Variants in ELF2 observed in about 807,000 individuals in gnomAD.
ELF2 encodes E74 like ETS transcription factor 2.
In ELF2, 11 loss-of-function variants were observed where a neutral mutation model predicts 54.8. The ratio of observed to expected loss-of-function variants is 0.20; its 90% CI spans 0.13 to 0.33. The LOEUF (loss-of-function observed/expected upper bound fraction) is 0.33. ELF2 is among the 10% of genes least tolerant of loss of function. The pLI, the probability that ELF2 is intolerant of heterozygous loss-of-function variation, is 1.00. For missense variants in ELF2, 513 were observed against 703.0 expected (o/e 0.73, Z 3.06); for synonymous variants, 203 against 245.1 (o/e 0.83, Z 1.61).
chr4:139,170,939 T>C (rs930941991), intron 1 of ELF2, among the ~76,000 whole-genome samples: 1 of 151,608 alleles, frequency 6.6e-6, no homozygotes, highest in African/African-American at 2.4e-5. Flanking sequence ...AGAGACAGGG[T>C]TTTACCATGC....
At chr4:139,160,408 C>A (rs1741013648) in intron 1 of ELF2, among the ~76,000 whole-genome samples, 1 of 152,170 alleles carries the variant, frequency 6.6e-6, no homozygotes, top group African/African-American at 2.4e-5. Context: ...GAAACTATTT[C>A]ATGGAGACCA....
At chr4:139,110,394 A>T (rs1357719163) in intron 4 of ELF2, among the ~76,000 whole-genome samples, 1 of 152,206 alleles carries the variant, frequency 6.6e-6, no homozygotes, top group Non-Finnish European at 1.5e-5. Flanking sequence ...CCATGGAATA[A>T]AACTAACTAA....
chr4:139,114,638 C>CT (rs1320257893), intron 4 of ELF2, among the ~76,000 whole-genome samples: 2 of 56,144 alleles, frequency 3.6e-5, no homozygotes, highest in African/African-American at 1.8e-4. Flanking sequence ...TTTTTTTTTT[C>CT]TTTCTTTTTT....
At chr4:139,114,561 T>TCCAGTCACACACACACACACACA (rs70940492) in intron 4 of ELF2, among the ~76,000 whole-genome samples, 12 of 108,646 alleles carry the variant, frequency 1.1e-4, no homozygotes, top group South Asian at 3.2e-4. Context: ...GACTTCAGTC[T>TCCAGTCACACACACACACACACA]CACACACACA....
chr4:139,172,617 G>A (rs1187005892), intron 1 of ELF2, among the ~76,000 whole-genome samples: 1 of 152,104 alleles, frequency 6.6e-6, no homozygotes, highest in East Asian at 1.9e-4. Flanking sequence ...CTTATTTTAA[G>A]TGAAAAAGTG....
At chr4:139,070,097 C>G (rs567098954) in intron 6 of ELF2, among the ~76,000 whole-genome samples, 1 of 152,108 alleles carries the variant, frequency 6.6e-6, no homozygotes, top group Admixed American at 6.5e-5. Flanking sequence ...CCTGCCTCAG[C>G]CTCCCAAAGT....
At position 139,115,049 on chromosome 4, in the gene ELF2, G is replaced by A. The variant is rs528381018; in HGVS notation, c.238+10115C>T. 2.9e-5 allele frequency: 46 copies of A among 1,613,892 alleles called. No individual in the cohort carries two copies. In the East Asian group the frequency reaches 3.6e-4, roughly 13 times the overall value. ...AGCAGCTCCTTGACCGTGGCAGCCC[G>A]GGCATCGTCACTCTCCATGTCCAGG... On this transcript the variant is annotated intron_variant, in intron 4 of 9. Transcript: ENST00000686138.
At chr4:139,069,199 T>C (rs1729161753) in intron 6 of ELF2, among the ~76,000 whole-genome samples, 1 of 152,132 alleles carries the variant, frequency 6.6e-6, no homozygotes, top group Non-Finnish European at 1.5e-5. Flanking sequence ...TTATTACTGA[T>C]TTGGTGACTG....
At chr4:139,127,622 G>A (rs957711496) in intron 3 of ELF2, among the ~76,000 whole-genome samples, 3 of 152,024 alleles carry the variant, frequency 2.0e-5, no homozygotes, top group East Asian at 1.9e-4. Context: ...GCGCCCAGCC[G>A]GGTTTTAATA....
intron 1 of ELF2, among the ~76,000 whole-genome samples, chr4:139,149,409 A>G (rs1273941260): frequency 1.3e-5 from 2 of 152,164 alleles, no homozygotes; most frequent in Non-Finnish European, 2.9e-5. Flanking sequence ...CAGGAGTTTG[A>G]GACCAGCCTG....
intron 3 of ELF2, among the ~76,000 whole-genome samples, chr4:139,134,144 T>C (rs1737850205): frequency 6.6e-6 from 1 of 152,292 alleles, no homozygotes; most frequent in South Asian, 2.1e-4. Context: ...CCTTTATTGC[T>C]AGTTTAGAAA....
At chr4:139,171,688 C>G (rs1188988134) in intron 1 of ELF2, among the ~76,000 whole-genome samples, 2 of 152,092 alleles carry the variant, frequency 1.3e-5, no homozygotes, top group African/African-American at 2.4e-5. Flanking sequence ...CTTTGGGAGG[C>G]CAAGGCAGGA....
At chr4:139,080,340 G>GT (rs1730929157) in intron 4 of ELF2, among the ~76,000 whole-genome samples, 1 of 152,054 alleles carries the variant, frequency 6.6e-6, no homozygotes, top group Admixed American at 6.5e-5. Context: ...TCATTTTAAT[G>GT]TATCTATTCA....
Position 139,059,368 on chromosome 4 carries a change from T to C in ELF2, c.1397A>G (p.Gln466Arg). The C allele has an allele frequency of 6.2e-7, 1 of 1,613,972 alleles. No homozygotes were observed. Among genetic ancestry groups the C allele is most frequent in the Non-Finnish European group, 8.5e-7 (1 of 1,179,860 alleles). ...TGTCTGCAGTTGACACTGTGCAAGC[T>C]GTGTAGCTGGGATGGTAATAATTTT... ...PAKIITIPAT[Q>R]LAQCQLQTKS... Residue 466 changes from glutamine to arginine, a missense_variant, in exon 10 of 10, where the codon CAG (glutamine) becomes CGG (arginine). By Grantham distance (43) the Gln-to-Arg change is conservative. This residue lies in a region of ELF2 where 291 missense variants were observed against 366.1 expected (regional missense o/e 0.79). Coordinates refer to ENST00000686138, the MANE Select transcript of ELF2 (RefSeq NM_001331036.3).
At position 139,107,785 on chromosome 4, in the gene ELF2, TATAAC is replaced by T. The variant is rs1273696140; in HGVS notation, c.238+17374_238+17378del. Among the ~76,000 whole-genome samples, 9 of 152,292 alleles carry T rather than the reference TATAAC, an allele frequency of 5.9e-5. No homozygotes were observed. In the South Asian group the frequency reaches 1.0e-3, roughly 18 times the overall value. On this transcript the variant is annotated intron_variant, in intron 4 of 9. Transcript: ENST00000686138. ...AAGGTAATATGATACACATACCAAA[TATAAC>T]ATAACAACTCTCACAAGTATGGGAT... is the stretch of plus-strand genomic sequence containing the variant.
At chr4:139,061,827 T>C (rs1363350629) in intron 8 of ELF2, 38 bp downstream of exon 8, 2 of 1,602,366 alleles carry the variant, frequency 1.2e-6, no homozygotes, top group Admixed American at 1.7e-5. Context: ...AAGAAATACA[T>C]AAATTTTGTT....
At chr4:139,140,248 C>T (rs1025703638) in intron 1 of ELF2, among the ~76,000 whole-genome samples, 1 of 152,236 alleles carries the variant, frequency 6.6e-6, no homozygotes, top group Non-Finnish European at 1.5e-5. Context: ...ACCAACTTAG[C>T]ATCAGCACCC....
intron 1 of ELF2, among the ~76,000 whole-genome samples, chr4:139,145,127 G>GA (rs1739097385): frequency 6.6e-6 from 1 of 152,230 alleles, no homozygotes; most frequent in Middle Eastern, 3.2e-3. Context: ...CACCCAAGAA[G>GA]GAGAAAACTT....
At position 139,137,671 on chromosome 4, in the gene ELF2, T is replaced by C. The variant is rs770573909; in HGVS notation, c.31A>G (p.Thr11Ala). MTSAVVDSGG[T>A]ILELSSNGVE... Reference sequence around the variant, plus strand: ...CCATTGCTGGAAAGCTCCAAAATAGTACCTCCACTGTCAACCACTGCTGAT... The same window carrying C: ...CCATTGCTGGAAAGCTCCAAAATAGCACCTCCACTGTCAACCACTGCTGAT... The change falls in exon 3 of 10, where the codon ACT becomes GCT. Residue 11 changes from threonine (T) to alanine (A), a missense_variant. This residue lies in a region of ELF2 where 203 missense variants were observed against 245.9 expected (regional missense o/e 0.83). Transcript: ENST00000686138. 3 of 1,613,984 alleles carry C rather than the reference T, an allele frequency of 1.9e-6. No homozygotes were observed. Among genetic ancestry groups the C allele is most frequent in the African/African-American group, 1.3e-5 (1 of 74,950 alleles).
Sources: gnomAD v4.1 joint callset for allele counts (sites outside exome capture counted in the v4.1 genomes callset) on GRCh38, gnomAD v4.1.1 for gene constraint, gnomAD v4.1.1 regional missense constraint, MANE v1.5 for transcripts, NCBI Gene and HGNC (gene_info 2026-07-23, HGNC 2026-07-21) for gene names.